Variants in ADAMTS9 observed in about 807,000 individuals in gnomAD.
ADAMTS9 encodes ADAM metallopeptidase with thrombospondin type 1 motif 9, also known as A disintegrin and metalloproteinase with thrombospondin motifs 9.
Under a neutral mutation model 257.1 loss-of-function variants are expected in ADAMTS9, and 107 were observed. The ratio of observed to expected loss-of-function variants is 0.42; its 90% CI spans 0.36 to 0.49. The LOEUF (loss-of-function observed/expected upper bound fraction) is 0.49, where lower values mean the gene tolerates loss of function less well. Ranked by LOEUF, ADAMTS9 falls within the 20% of genes least tolerant of loss-of-function variation. The pLI is 0.03. For missense variants in ADAMTS9, 2,353 were observed against 2,469.1 expected (o/e 0.95, Z 1.00); for synonymous variants, 982 against 880.9 (o/e 1.11, Z -2.03).
At chr3:64,533,688 C>A (rs2083010931) in intron 37 of ADAMTS9, among the ~76,000 whole-genome samples, 1 of 152,240 alleles carries the variant, frequency 6.6e-6, no homozygotes, top group Non-Finnish European at 1.5e-5. Context: ...CTAACAAGAT[C>A]TTGGTGCCAA....
rs370628304 is a variant in ADAMTS9 at position 64,615,948 on chromosome 3, G to C, written c.3024+12C>G. The stretch of plus-strand genomic sequence containing the variant: ...GCATCCAAGAAGACTCTTTGAGTGA[G>C]AGCCAACTTACTTCAGTCCAGGCAG... On this transcript the variant is annotated intron_variant, in intron 20 of 39. Transcript: ENST00000498707. The C allele has an allele frequency of 6.2e-7, 1 of 1,612,484 alleles. No individual in the cohort carries two copies. The highest frequency in any genetic ancestry group is 8.5e-7 in the Non-Finnish European group (1 of 1,179,904).
intron 16 of ADAMTS9, 92 bp downstream of exon 16, chr3:64,631,362 CT>C: frequency 1.0e-6 from 1 of 994,688 alleles, no homozygotes. Flanking sequence ...CATCTGAAAG[CT>C]CTGCCTCTGC....
intron 38 of ADAMTS9, among the ~76,000 whole-genome samples, chr3:64,527,487 G>C (rs760831591): frequency 2.0e-5 from 3 of 151,992 alleles, no homozygotes; most frequent in Non-Finnish European, 4.4e-5. Context: ...GGGTGGAGGT[G>C]GGGATTTTGA....
intron 30 of ADAMTS9, among the ~76,000 whole-genome samples, chr3:64,552,971 G>A (rs1356883756): frequency 1.3e-5 from 2 of 151,624 alleles, no homozygotes; most frequent in Admixed American, 6.6e-5. Context: ...TTGCCTCAAA[G>A]GCATTTATGT....
intron 23 of ADAMTS9, 90 bp downstream of exon 23, chr3:64,606,870 A>T: frequency 6.5e-7 from 1 of 1,532,662 alleles, no homozygotes; most frequent in East Asian, 2.3e-5. Flanking sequence ...ATACTTATCT[A>T]TGAAAGGATT....
At chr3:64,532,704 C>T (rs2082998293) in intron 38 of ADAMTS9, among the ~76,000 whole-genome samples, 1 of 152,184 alleles carries the variant, frequency 6.6e-6, no homozygotes, top group Admixed American at 6.5e-5. Flanking sequence ...ATTGTAGACC[C>T]TGTGTATCTC....
intron 21 of ADAMTS9, 37 bp downstream of exon 21, chr3:64,615,284 A>G: frequency 6.2e-7 from 1 of 1,603,936 alleles, no homozygotes; most frequent in Admixed American, 1.7e-5. Flanking sequence ...AGAATGTAAG[A>G]GATGACCTAG....
chr3:64,517,419 T>TTTTTTTTTTTG lies in ADAMTS9; in HGVS notation c.*6-299_*6-298insCAAAAAAAAAA, dbSNP rs1559741927. On this transcript the variant is annotated intron_variant, in intron 39 of 39. Transcript: ENST00000498707. ...CAAGCCCAGCTAATTAAAAATGGTT[T>TTTTTTTTTTTG]TTTTTTTTTTTTTTTTTTTTGCAGA... Among the ~76,000 whole-genome samples, 12 of 119,828 alleles carry TTTTTTTTTTTG rather than the reference T, an allele frequency of 1.0e-4. 1 individual carries two copies. The South Asian group carries it at 3.9e-3, about 39-fold the overall frequency. 78.6% of individuals were successfully genotyped at this position (119,828 alleles called of 152,430 possible). A position where few individuals can be genotyped will look rare whatever the true frequency, so the allele number is the denominator to read the frequency against.
chr3:64,518,066 T>C (rs953593754), intron 39 of ADAMTS9, among the ~76,000 whole-genome samples: 3 of 152,198 alleles, frequency 2.0e-5, no homozygotes, highest in South Asian at 2.1e-4. Flanking sequence ...TTTACTTGAA[T>C]CATAAGTTGG....
At chr3:64,607,145 T>C (rs1383640558) in intron 22 of ADAMTS9, 66 bp from the exon 23 acceptor site, 3 of 1,586,650 alleles carry the variant, frequency 1.9e-6, no homozygotes, top group African/African-American at 1.3e-5. Context: ...ACTTTCCCCA[T>C]AACATTCTGC....
chr3:64,567,389 TG>T (rs1416587559), intron 29 of ADAMTS9, among the ~76,000 whole-genome samples: 1 of 152,196 alleles, frequency 6.6e-6, no homozygotes, highest in Non-Finnish European at 1.5e-5. Flanking sequence ...AAAACTTCAT[TG>T]ATTCAGATCA....
intron 39 of ADAMTS9, among the ~76,000 whole-genome samples, chr3:64,520,322 C>T (rs1269176385): frequency 5.3e-5 from 8 of 152,118 alleles, no homozygotes; most frequent in African/African-American, 1.9e-4. Flanking sequence ...GTTCCATGCT[C>T]ATCTATTGGA....
intron 30 of ADAMTS9, among the ~76,000 whole-genome samples, chr3:64,557,772 C>G (rs1478384784): frequency 2.0e-5 from 3 of 152,220 alleles, no homozygotes; most frequent in Non-Finnish European, 4.4e-5. Context: ...TCAGAGTCAA[C>G]TTTTCAGAGC....
chr3:64,539,815 T>G lies in ADAMTS9; in HGVS notation c.5522-521A>C, dbSNP rs192312766. Among the ~76,000 whole-genome samples, 173 of 152,344 alleles carry G rather than the reference T, an allele frequency of 1.1e-3. 1 individual carries two copies. The highest frequency in any genetic ancestry group is 6.8e-3 in the Middle Eastern group (2 of 294). Reference sequence around the variant, plus strand: ...GCAATTAGAACCCCCATCTTGAAATTATTGACAGCAGTTTCTCAAGTTCGG... The same window carrying G: ...GCAATTAGAACCCCCATCTTGAAATGATTGACAGCAGTTTCTCAAGTTCGG... On this transcript the variant is annotated intron_variant, in intron 36 of 39. Transcript: ENST00000498707.
chr3:64,516,455 C>G lies in ADAMTS9; in HGVS notation c.*672G>C, dbSNP rs1471344388. 1.3e-5 allele frequency: 2 copies of G among 152,592 alleles called. No individual in the cohort carries two copies. The allele number at this position is 152,592 out of a possible 1,614,324, so 9.5% of individuals were successfully genotyped here. On this transcript the variant is annotated 3_prime_UTR_variant, in exon 40 of 40. Coordinates refer to ENST00000498707, the MANE Select transcript of ADAMTS9 (RefSeq NM_182920.2). The stretch of plus-strand genomic sequence containing the variant: ...CTTATTTCATCCAAGTGATTCTGTG[C>G]ACTGGAAATTGTCCTTCCGTTCCTC...
intron 38 of ADAMTS9, among the ~76,000 whole-genome samples, chr3:64,527,277 T>C (rs1380441481): frequency 6.6e-6 from 1 of 152,230 alleles, no homozygotes; most frequent in African/African-American, 2.4e-5. Context: ...TATAATTAAA[T>C]GAATGAATCT....
rs565349576 is a variant in ADAMTS9, at chr3:64,562,590, A to G, written c.4525-839T>C. 2.6e-5 allele frequency among the ~76,000 whole-genome samples: 4 copies of G among 152,340 alleles called. No homozygotes were observed. In the South Asian group the frequency reaches 6.2e-4, roughly 24 times the overall value. On this transcript the variant is annotated intron_variant, in intron 29 of 39. Transcript: ENST00000498707. The stretch of plus-strand genomic sequence containing the variant: ...ATTAAGGTTTTGACAGCCAGAAACT[A>G]AAGGCAACATTTGGAAAGAATGGTA...
chr3:64,569,597 T>C (rs535415120), intron 28 of ADAMTS9, among the ~76,000 whole-genome samples: 2 of 152,156 alleles, frequency 1.3e-5, no homozygotes, highest in South Asian at 4.1e-4. Flanking sequence ...AACATGTAAC[T>C]CATGAAACAT....
At chr3:64,615,827 G>A in intron 20 of ADAMTS9, 133 bp downstream of exon 20, 1 of 1,053,016 alleles carries the variant, frequency 9.5e-7, no homozygotes, top group South Asian at 1.4e-5. Flanking sequence ...AAGCTTGAAT[G>A]GGGTCAGGCA....
Sources: allele counts gnomAD v4.1 joint callset (sites outside exome capture counted in the v4.1 genomes callset), GRCh38; gene constraint gnomAD v4.1.1; transcripts MANE v1.5; gene names NCBI Gene and HGNC (gene_info 2026-07-23, HGNC 2026-07-21).